MRTFA: variants seen among roughly 807,000 people sequenced by gnomAD.
MRTFA encodes myocardin related transcription factor A, also known as myocardin-related transcription factor A.
MRTFA carries 20 observed loss-of-function variants against 83.5 expected under a neutral mutation model. That is an observed-to-expected ratio of 0.24 (90% CI 0.17 to 0.35). The LOEUF (loss-of-function observed/expected upper bound fraction) is 0.35, where lower values mean the gene tolerates loss of function less well. MRTFA is among the 10% of genes least tolerant of loss of function. The pLI, the probability that MRTFA is intolerant of heterozygous loss-of-function variation, is 1.00. For missense variants in MRTFA, 1,200 were observed against 1,224.7 expected, an observed-to-expected ratio of 0.98 and a Z score of 0.30; for synonymous variants, 659 against 541.2, an observed-to-expected ratio of 1.22 and a Z score of -3.02.
At position 40,579,749 on chromosome 22, in the gene MRTFA, A is replaced by C. The variant is rs535455336; in HGVS notation, c.-22+14925T>G. 2.6e-5 allele frequency among the ~76,000 whole-genome samples: 4 copies of C among 152,230 alleles called. No homozygotes were observed. In the East Asian group the frequency reaches 7.7e-4, roughly 29 times the overall value. On this transcript the variant is annotated intron_variant, in intron 2 of 14. Transcript: ENST00000355630. Reference sequence around the variant, plus strand: ...GTGGCAGGCGCCTATAATCCCAGCTACTTGGGAGGCTGAGACAGGAGAATC... The same window carrying C: ...GTGGCAGGCGCCTATAATCCCAGCTCCTTGGGAGGCTGAGACAGGAGAATC...
At chr22:40,623,832 T>C (rs1270768559) in intron 1 of MRTFA, among the ~76,000 whole-genome samples, 1 of 152,170 alleles carries the variant, frequency 6.6e-6, no homozygotes, top group African/African-American at 2.4e-5. Flanking sequence ...TCAAAAAGAT[T>C]CACCAAGCAT....
intron 3 of MRTFA, among the ~76,000 whole-genome samples, chr22:40,509,703 C>A (rs1166174615): frequency 6.6e-6 from 1 of 152,164 alleles, no homozygotes; most frequent in Non-Finnish European, 1.5e-5. Context: ...CAAATACTTT[C>A]AGTAATCTAA....
In MRTFA at chr22:40,511,831, C is replaced by T. The variant is rs538695778; in HGVS notation, c.241+40275G>A. On this transcript the variant is annotated intron_variant, in intron 3 of 14. Coordinates refer to ENST00000355630, the MANE Select transcript of MRTFA (RefSeq NM_020831.6). The stretch of plus-strand genomic sequence containing the variant: ...AGTGCTAGAGAGAGTCCTCAGCCAA[C>T]TGATCCCATTACATGGTCTTTACTA... 3.7e-4 allele frequency among the ~76,000 whole-genome samples: 57 copies of T among 152,352 alleles called. 1 individual carries two copies. The highest frequency in any genetic ancestry group is 3.7e-3 in the Admixed American group (57 of 15,294).
chr22:40,586,202 C>T (rs1420894121), intron 2 of MRTFA, among the ~76,000 whole-genome samples: 1 of 146,800 alleles, frequency 6.8e-6, no homozygotes, highest in Non-Finnish European at 1.5e-5. Flanking sequence ...CAAGCTACAA[C>T]AAGTTGAATT....
rs540777747 is a variant in MRTFA at position 40,420,878 on chromosome 22, T to TGTG, written c.1147_1149dup (p.His383dup). ...GGGGCAGGCAGGATGGCCTGGTAGT[T>TGTG]GTGGTGCTGCTGCTGCTGCTGGTTG... is the stretch of plus-strand genomic sequence containing the variant. On this transcript the variant is annotated inframe_insertion, in exon 10 of 15. Coordinates refer to ENST00000355630, the MANE Select transcript of MRTFA (RefSeq NM_020831.6). The TGTG allele has an allele frequency of 6.9e-5, 112 of 1,613,956 alleles. No individual in the cohort carries two copies. In the African/African-American group the frequency reaches 1.4e-3, roughly 20 times the overall value.
At chr22:40,600,119 C>T (rs1171352330) in intron 1 of MRTFA, among the ~76,000 whole-genome samples, 2 of 151,850 alleles carry the variant, frequency 1.3e-5, no homozygotes, top group Non-Finnish European at 2.9e-5. Context: ...GATATTGTTA[C>T]ATATCTCCTC....
chr22:40,452,638 C>T (rs531600410), intron 4 of MRTFA, among the ~76,000 whole-genome samples: 3 of 151,742 alleles, frequency 2.0e-5, no homozygotes, highest in Admixed American at 6.6e-5. Flanking sequence ...GGTGAAACCT[C>T]GTCTCTACTA....
intron 3 of MRTFA, among the ~76,000 whole-genome samples, chr22:40,524,466 T>G (rs954812703): frequency 6.6e-6 from 1 of 152,154 alleles, no homozygotes. Context: ...AGTAAATGAG[T>G]GTACACAGGA....
At chr22:40,443,738 T>C (rs1484109387) in intron 4 of MRTFA, among the ~76,000 whole-genome samples, 1 of 152,110 alleles carries the variant, frequency 6.6e-6, no homozygotes, top group Non-Finnish European at 1.5e-5. Context: ...TGCAAGGGTG[T>C]AATGAGATGC....
At chr22:40,420,115 T>G (rs941609598) in intron 11 of MRTFA, among the ~76,000 whole-genome samples, 1 of 152,090 alleles carries the variant, frequency 6.6e-6, no homozygotes, top group Non-Finnish European at 1.5e-5. Context: ...AACACGTAAG[T>G]CGAGGAAGAT....
intron 3 of MRTFA, among the ~76,000 whole-genome samples, chr22:40,485,810 T>C (rs765729351): frequency 1.3e-4 from 20 of 152,160 alleles, no homozygotes; most frequent in African/African-American, 2.4e-5. Flanking sequence ...AACTCTAAGA[T>C]GGAGGAGGAG....
chr22:40,411,265 G>GAAAA lies in MRTFA; in HGVS notation c.*121_*124dup. ...CTCTGTTCTAGCCTCCCAGGGAAGGGAAAAAGCAGGGGCTGTGATTGTCAA... is the reference window on the plus strand; with the variant it reads ...CTCTGTTCTAGCCTCCCAGGGAAGGGAAAAAAAAAGCAGGGGCTGTGATTGTCAA... On this transcript the variant is annotated 3_prime_UTR_variant, in exon 15 of 15. Coordinates refer to ENST00000355630, the MANE Select transcript of MRTFA (RefSeq NM_020831.6). 1 of 1,096,966 alleles carries GAAAA rather than the reference G, an allele frequency of 9.1e-7. No homozygotes were observed. The allele number at this position is 1,096,966 out of a possible 1,614,324, so 68.0% of individuals were successfully genotyped here.
intron 4 of MRTFA, among the ~76,000 whole-genome samples, chr22:40,450,410 C>G (rs2051271186): frequency 6.6e-6 from 1 of 152,028 alleles, no homozygotes; most frequent in African/African-American, 2.4e-5. Flanking sequence ...AACTATGGAT[C>G]CTGCTTTGAT....
Position 40,508,703 on chromosome 22 carries a change from C to CT in MRTFA, c.241+43402dup, listed in dbSNP as rs66987842. ...CCATTGTAACTGTGGTTTGAGGGTA[C>CT]TTTTTTTTTTGCAAAGTAAGAGTCT... is the stretch of plus-strand genomic sequence containing the variant. On this transcript the variant is annotated intron_variant, in intron 3 of 14. Coordinates refer to ENST00000355630, the MANE Select transcript of MRTFA (RefSeq NM_020831.6). Among the ~76,000 whole-genome samples, 4,860 of 147,208 alleles carry CT rather than the reference C, an allele frequency of 0.033. 122 individuals are homozygous for CT. The highest frequency in any genetic ancestry group is 0.051 in the Middle Eastern group (15 of 292).
intron 3 of MRTFA, among the ~76,000 whole-genome samples, chr22:40,533,048 CCT>C (rs1459387968): frequency 3.3e-5 from 5 of 152,056 alleles, no homozygotes; most frequent in South Asian, 2.1e-4. Flanking sequence ...AAAATCCTCC[CCT>C]GTGTTGACTG....
chr22:40,548,373 A>T (rs2055398258), intron 3 of MRTFA, among the ~76,000 whole-genome samples: 1 of 150,846 alleles, frequency 6.6e-6, no homozygotes, highest in Non-Finnish European at 1.5e-5. Context: ...AAAAAAAAAA[A>T]AAAAAAATTG....
intron 1 of MRTFA, among the ~76,000 whole-genome samples, chr22:40,620,855 T>G (rs374768894): frequency 6.6e-6 from 1 of 152,010 alleles, no homozygotes; most frequent in South Asian, 2.1e-4. Context: ...CACTGTCAAC[T>G]TGGACTGAAA....
intron 3 of MRTFA, among the ~76,000 whole-genome samples, chr22:40,516,143 C>T (rs2054753999): frequency 6.6e-6 from 1 of 151,996 alleles, no homozygotes; most frequent in African/African-American, 2.4e-5. Context: ...CTGGGCTAGG[C>T]ACGGTGGCTC....
chr22:40,551,438 G>A (rs1485385219), intron 3 of MRTFA, among the ~76,000 whole-genome samples: 4 of 152,062 alleles, frequency 2.6e-5, no homozygotes, highest in Non-Finnish European at 4.4e-5. Flanking sequence ...GCACAATCTC[G>A]GTTCACTGCA....
Sources: allele counts gnomAD v4.1 joint callset (sites outside exome capture counted in the v4.1 genomes callset), GRCh38; gene constraint gnomAD v4.1.1; transcripts MANE v1.5; gene names NCBI Gene and HGNC (gene_info 2026-07-23, HGNC 2026-07-21).